LIN7A: variants seen among roughly 807,000 people sequenced by gnomAD.
The protein encoded by LIN7A is protein lin-7 homolog A.
In LIN7A, 25 loss-of-function variants were observed where a neutral mutation model predicts 29.8. That is an observed-to-expected ratio of 0.84 (90% CI 0.61 to 1.17). The LOEUF is 1.17. Among genes scored for constraint, LIN7A ranks in the 50% most tolerant of loss-of-function variants. LIN7A has a pLI of 0.00. For missense variants in LIN7A, 239 were observed against 287.0 expected (o/e 0.83, Z 1.21); for synonymous variants, 118 against 107.5 (o/e 1.10, Z -0.60).
intron 2 of LIN7A, among the ~76,000 whole-genome samples, chr12:80,860,365 T>G: frequency 6.6e-6 from 1 of 152,210 alleles, no homozygotes; most frequent in East Asian, 1.9e-4. Flanking sequence ...AGACAAGTCA[T>G]TCAAATTGCA....
chr12:80,876,261 G>C (rs1198066653), intron 2 of LIN7A, among the ~76,000 whole-genome samples: 3 of 152,018 alleles, frequency 2.0e-5, no homozygotes, highest in Admixed American at 2.0e-4. Context: ...AGTAATGAAG[G>C]GATGAGAACC....
At chr12:80,907,060 T>TGTGTGTGTGTGTGTGG (rs1876518907) in intron 1 of LIN7A, among the ~76,000 whole-genome samples, 1 of 141,058 alleles carries the variant, frequency 7.1e-6, no homozygotes, top group Non-Finnish European at 1.6e-5. Context: ...GTGCTCTGTG[T>TGTGTGTGTGTGTGTGG]GTGTGTGTGT....
chr12:80,909,642 C>T (rs973619461), intron 1 of LIN7A, among the ~76,000 whole-genome samples: 1 of 151,950 alleles, frequency 6.6e-6, no homozygotes, highest in Non-Finnish European at 1.5e-5. Context: ...AGCATTAATC[C>T]CATTCATGAG....
At chr12:80,897,065 C>A (rs1056958591) in intron 1 of LIN7A, among the ~76,000 whole-genome samples, 4 of 151,772 alleles carry the variant, frequency 2.6e-5, no homozygotes, top group Admixed American at 2.6e-4. Context: ...GCATTTTTTT[C>A]TTTTTCTTCT....
At chr12:80,845,663 T>C (rs1873037244) in intron 4 of LIN7A, 67 bp downstream of exon 4, 26 of 1,296,204 alleles carry the variant, frequency 2.0e-5, no homozygotes, top group Middle Eastern at 2.6e-4. Flanking sequence ...TTGACTTCAG[T>C]AATAGCAGGG....
intron 3 of LIN7A, among the ~76,000 whole-genome samples, chr12:80,846,561 T>A (rs1251768263): frequency 1.6e-4 from 24 of 152,186 alleles, no homozygotes; most frequent in Admixed American, 1.6e-3. Flanking sequence ...TCAAACAGAT[T>A]ATTGTTAGCT....
intron 2 of LIN7A, among the ~76,000 whole-genome samples, chr12:80,863,379 G>T (rs573788794): frequency 2.0e-5 from 3 of 152,248 alleles, no homozygotes; most frequent in East Asian, 3.9e-4. Context: ...AAGTTCTAAG[G>T]TTTGATCTAC....
At chr12:80,934,165 T>C (rs1878076241) in intron 1 of LIN7A, among the ~76,000 whole-genome samples, 1 of 152,198 alleles carries the variant, frequency 6.6e-6, no homozygotes, top group African/African-American at 2.4e-5. Flanking sequence ...AATTAATATT[T>C]GCCTCTGTGT....
chr12:80,828,104 G>C (rs1213485402), intron 4 of LIN7A, among the ~76,000 whole-genome samples: 1 of 152,058 alleles, frequency 6.6e-6, no homozygotes, highest in African/African-American at 2.4e-5. Context: ...CCAAGGATTT[G>C]GTGAAATTTA....
rs1315431588 is a variant in LIN7A at position 80,901,312 on chromosome 12, C to CA, written c.83-11944dup. On this transcript the variant is annotated intron_variant, in intron 1 of 5. Transcript: ENST00000552864. ...AGGTGAAAAAACAGAACACCTTTCA[C>CA]AGAGCTTCAAGTTTAATTTAATTCG... Among the ~76,000 whole-genome samples, 18 of 152,266 alleles carry CA rather than the reference C, an allele frequency of 1.2e-4. No individual in the cohort carries two copies. The East Asian group carries it at 3.5e-3, about 29-fold the overall frequency.
intron 2 of LIN7A, among the ~76,000 whole-genome samples, chr12:80,862,156 T>C (rs1444313547): frequency 3.9e-5 from 6 of 152,198 alleles, no homozygotes; most frequent in Non-Finnish European, 8.8e-5. Flanking sequence ...TCCTTCAGCT[T>C]ATACTAACCG....
chr12:80,877,247 A>G (rs1369639672), intron 2 of LIN7A, among the ~76,000 whole-genome samples: 1 of 152,142 alleles, frequency 6.6e-6, no homozygotes, highest in East Asian at 1.9e-4. Context: ...AGTAGTACCA[A>G]CCAAGATAGT....
chr12:80,897,301 T>G (rs71463889), intron 1 of LIN7A, among the ~76,000 whole-genome samples: 9,421 of 152,248 alleles, frequency 0.062, 455 homozygotes, highest in South Asian at 0.24. Flanking sequence ...TGTACATATG[T>G]TTTTACATCC....
rs762114317 is a variant in LIN7A, at chr12:80,794,592, A to C, written c.*3135T>G. 4 of 152,138 alleles carry C rather than the reference A, an allele frequency of 2.6e-5. No homozygotes were observed. Among genetic ancestry groups the C allele is most frequent in the Non-Finnish European group, 5.9e-5 (4 of 68,012 alleles). The allele number at this position is 152,138 out of a possible 1,614,324, so 9.4% of individuals were successfully genotyped here. On this transcript the variant is annotated 3_prime_UTR_variant, in exon 6 of 6. Transcript: ENST00000552864. Reference sequence around the variant, plus strand: ...GTTTGATGTCACAGTTGAAAACTGCATTTGTAAATCTGTGTAATCCATCTC... The same window carrying C: ...GTTTGATGTCACAGTTGAAAACTGCCTTTGTAAATCTGTGTAATCCATCTC...
chr12:80,843,749 T>C (rs555140024), intron 4 of LIN7A, among the ~76,000 whole-genome samples: 1 of 152,090 alleles, frequency 6.6e-6, no homozygotes, highest in Non-Finnish European at 1.5e-5. Context: ...GGATTAAAGT[T>C]TAGGGGATAC....
At chr12:80,889,430 G>A in intron 1 of LIN7A, 61 bp from the exon 2 acceptor site, 2 of 1,021,316 alleles carry the variant, frequency 2.0e-6, no homozygotes, top group Non-Finnish European at 3.1e-6. Flanking sequence ...TCAGCTGAAA[G>A]TACTATTATT....
At chr12:80,848,179 A>G (rs1223475168) in intron 3 of LIN7A, 72 bp downstream of exon 3, 1 of 1,127,476 alleles carries the variant, frequency 8.9e-7, no homozygotes, top group Non-Finnish European at 1.3e-6. Context: ...AGAATACCTG[A>G]AACACACACG....
intron 5 of LIN7A, among the ~76,000 whole-genome samples, chr12:80,806,807 T>C (rs1871012122): frequency 6.6e-6 from 1 of 152,222 alleles, no homozygotes; most frequent in East Asian, 1.9e-4. Flanking sequence ...TCTCTTTGAC[T>C]GAAGTCACCA....
intron 2 of LIN7A, among the ~76,000 whole-genome samples, chr12:80,853,098 C>T (rs749865694): frequency 1.7e-4 from 26 of 152,234 alleles, no homozygotes; most frequent in Non-Finnish European, 3.1e-4. Context: ...TTTGTTATAA[C>T]GAAGAAAAGC....
Sources: gnomAD v4.1 joint callset for allele counts (sites outside exome capture counted in the v4.1 genomes callset) on GRCh38, gnomAD v4.1.1 for gene constraint, MANE v1.5 for transcripts, NCBI Gene and HGNC (gene_info 2026-07-23, HGNC 2026-07-21) for gene names.